The following STARD3 variants were observed in gnomAD, a reference collection of about 807,000 sequenced individuals.
STARD3 encodes StAR related lipid transfer domain containing 3.
In STARD3, 39 loss-of-function variants were observed where a neutral mutation model predicts 62.0. The observed-to-expected ratio is 0.63, with a 90% confidence interval of 0.49 to 0.82. The LOEUF (loss-of-function observed/expected upper bound fraction) is 0.82. Among genes scored for constraint, STARD3 ranks in the 40% least tolerant of loss-of-function variants. The pLI is 0.00. For missense variants in STARD3, 543 were observed against 584.5 expected, an observed-to-expected ratio of 0.93 and a Z score of 0.73; for synonymous variants, 229 against 242.4, an observed-to-expected ratio of 0.94 and a Z score of 0.51.
At position 39,660,765 on chromosome 17, in the gene STARD3, T is replaced by G. The variant is rs974487045; in HGVS notation, c.955-45T>G. ...CTGGGGTGTTCCCATCCCTGGGGTTTTCCTGGGGCGACCTGTTCCAAAAGT... is the reference window on the plus strand; with the variant it reads ...CTGGGGTGTTCCCATCCCTGGGGTTGTCCTGGGGCGACCTGTTCCAAAAGT... On this transcript the variant is annotated intron_variant, in intron 11 of 14. Coordinates refer to ENST00000336308, the MANE Select transcript of STARD3 (RefSeq NM_006804.4). The surrounding 1 kb of genome is among the most constrained non-coding windows in gnomAD (Gnocchi z 4.8). 1.3e-6 allele frequency: 2 copies of G among 1,541,232 alleles called. No homozygotes were observed. The highest frequency in any genetic ancestry group is 1.7e-6 in the Non-Finnish European group (2 of 1,144,528).
chr17:39,655,600 G>C (rs2057119403), intron 2 of STARD3, among the ~76,000 whole-genome samples: 2 of 152,202 alleles, frequency 1.3e-5, no homozygotes, highest in South Asian at 2.1e-4. Flanking sequence ...ATTGTTTTCA[G>C]ATGTCATGAA....
At position 39,657,397 on chromosome 17, in the gene STARD3, C is replaced by T. The variant is rs752602898; in HGVS notation, c.297+312C>T. On this transcript the variant is annotated intron_variant, in intron 3 of 14. Transcript: ENST00000336308. Reference sequence around the variant, plus strand: ...AAAAAATTAGCTGAGCATGGTGGTTCGCACCCATAATCCCAGCTACTTGGG... The same window carrying T: ...AAAAAATTAGCTGAGCATGGTGGTTTGCACCCATAATCCCAGCTACTTGGG... 5.9e-5 allele frequency among the ~76,000 whole-genome samples: 9 copies of T among 152,074 alleles called. No individual in the cohort carries two copies. In the South Asian group the frequency reaches 6.2e-4, roughly 11 times the overall value.
In STARD3 at chr17:39,653,496, C is replaced by A; in HGVS notation, c.-36C>A. The A allele has an allele frequency of 6.3e-7, 1 of 1,593,270 alleles. No homozygotes were observed. Among genetic ancestry groups the A allele is most frequent in the Non-Finnish European group, 8.5e-7 (1 of 1,175,664 alleles). On this transcript the variant is annotated 5_prime_UTR_variant, in exon 2 of 15. Coordinates refer to ENST00000336308, the MANE Select transcript of STARD3 (RefSeq NM_006804.4). Reference sequence around the variant, plus strand: ...TCGCCCCCAGCCCTGCTGCTGAGGCCGCGCCCTCCCCGCCCTGAGGTGGGG... The same window carrying A: ...TCGCCCCCAGCCCTGCTGCTGAGGCAGCGCCCTCCCCGCCCTGAGGTGGGG...
Position 39,660,058 on chromosome 17 carries a change from A to C in STARD3, c.796-153A>C, listed in dbSNP as rs2057178061. 1.4e-6 allele frequency: 1 copy of C among 697,318 alleles called. No homozygotes were observed. The highest frequency in any genetic ancestry group is 1.8e-5 in the African/African-American group (1 of 56,108). The allele number at this position is 697,318 out of a possible 1,614,324, so 43.2% of individuals were successfully genotyped here. Reference sequence around the variant, plus strand: ...CCAGTGCCATAGGTTTGTTAGAGCTACTGTTTTGTAACAGCTGCTCAGGTG... The same window carrying C: ...CCAGTGCCATAGGTTTGTTAGAGCTCCTGTTTTGTAACAGCTGCTCAGGTG... On this transcript the variant is annotated intron_variant, in intron 9 of 14. Coordinates refer to ENST00000336308, the MANE Select transcript of STARD3 (RefSeq NM_006804.4). This position sits in a 1 kb window ranked among gnomAD's most constrained non-coding sequence, Gnocchi z 4.8.
intron 1 of STARD3, among the ~76,000 whole-genome samples, chr17:39,646,298 G>T (rs907873250): frequency 1.3e-5 from 2 of 152,092 alleles, no homozygotes; most frequent in African/African-American, 4.8e-5. Flanking sequence ...TGTCACCCAG[G>T]CTTGAGTGCA....
At chr17:39,651,415 G>A (rs2057076667) in intron 1 of STARD3, among the ~76,000 whole-genome samples, 1 of 152,192 alleles carries the variant, frequency 6.6e-6, no homozygotes. Context: ...CAAGATCAGG[G>A]ACAAACATCT....
rs2057227538 is a variant in STARD3, at chr17:39,663,649, C to G, written c.*741C>G. 6.7e-6 allele frequency among the ~76,000 whole-genome samples: 1 copy of G among 149,552 alleles called. No homozygotes were observed. Among genetic ancestry groups the G allele is most frequent in the Admixed American group, 6.6e-5 (1 of 15,056 alleles). The stretch of plus-strand genomic sequence containing the variant: ...CCCCCCATTCCCCCCCCGCCCACCC[C>G]CCACTCCCCGCTTTCCTGACCAGTT... On this transcript the variant is annotated 3_prime_UTR_variant, in exon 15 of 15. Transcript: ENST00000336308.
chr17:39,645,872 G>C (rs1227337092), intron 1 of STARD3, among the ~76,000 whole-genome samples: 2 of 143,210 alleles, frequency 1.4e-5, no homozygotes, highest in African/African-American at 2.7e-5. Flanking sequence ...GTGACATAGG[G>C]ATTCTTGCCT....
At chr17:39,654,531 G>A (rs1277610839) in intron 2 of STARD3, among the ~76,000 whole-genome samples, 1 of 78,482 alleles carries the variant, frequency 1.3e-5, no homozygotes, top group South Asian at 4.4e-4. Context: ...CCCACCCCAC[G>A]CAGTGCTTGG....
intron 2 of STARD3, among the ~76,000 whole-genome samples, chr17:39,656,553 C>T (rs1379533656): frequency 6.6e-6 from 1 of 152,198 alleles, no homozygotes; most frequent in African/African-American, 2.4e-5. Flanking sequence ...TGATTTGCCA[C>T]CTGAGGCTCC....
At chr17:39,641,775 A>G (rs1049710702) in intron 1 of STARD3, among the ~76,000 whole-genome samples, 3 of 152,116 alleles carry the variant, frequency 2.0e-5, no homozygotes, top group Admixed American at 6.5e-5. Flanking sequence ...CTAATAAGGA[A>G]TGGCCTTAGG....
rs534183321 is a variant in STARD3, at chr17:39,663,651, C to T, written c.*743C>T. On this transcript the variant is annotated 3_prime_UTR_variant, in exon 15 of 15. Coordinates refer to ENST00000336308, the MANE Select transcript of STARD3 (RefSeq NM_006804.4). ...CCCCATTCCCCCCCCGCCCACCCCCCACTCCCCGCTTTCCTGACCAGTTCA... is the reference window on the plus strand; with the variant it reads ...CCCCATTCCCCCCCCGCCCACCCCCTACTCCCCGCTTTCCTGACCAGTTCA... Among the ~76,000 whole-genome samples, 3 of 149,470 alleles carry T rather than the reference C, an allele frequency of 2.0e-5. No individual in the cohort carries two copies. The highest frequency in any genetic ancestry group is 6.6e-5 in the Admixed American group (1 of 15,052).
At chr17:39,662,736 G>A (rs985975031) in intron 14 of STARD3, 68 bp from the exon 15 acceptor site, 8 of 1,450,048 alleles carry the variant, frequency 5.5e-6, no homozygotes, top group Non-Finnish European at 7.5e-6. Flanking sequence ...CCCTGCTGGT[G>A]CCAGCTGCAA....
chr17:39,657,941 C>A, intron 4 of STARD3, 32 bp from the exon 5 acceptor site: 1 of 1,605,842 alleles, frequency 6.2e-7, no homozygotes, highest in Non-Finnish European at 8.5e-7. Context: ...CCAGCCTCTG[C>A]CTTCCCCTTC....
intron 1 of STARD3, among the ~76,000 whole-genome samples, chr17:39,640,334 G>T (rs1169719019): frequency 6.6e-6 from 1 of 152,206 alleles, no homozygotes; most frequent in African/African-American, 2.4e-5. Context: ...CTCCAGGTCT[G>T]CATGTCTCCC....
chr17:39,645,881 C>CTTTTTTTTTTTTTTTTTTTT (rs71147368), intron 1 of STARD3, among the ~76,000 whole-genome samples: 1 of 55,616 alleles, frequency 1.8e-5, no homozygotes, highest in African/African-American at 8.9e-5. Flanking sequence ...GGATTCTTGC[C>CTTTTTTTTTTTTTTTTTTTT]TTTTTTTTTT....
In STARD3 at chr17:39,659,619, C is replaced by T. The variant is rs894712515; in HGVS notation, c.795+66C>T. Reference sequence around the variant, plus strand: ...GGAGTTTCTGTTCTCTTTTCTGAGGCCTGAGGAAGAAACCCAAAGATTACA... The same window carrying T: ...GGAGTTTCTGTTCTCTTTTCTGAGGTCTGAGGAAGAAACCCAAAGATTACA... On this transcript the variant is annotated intron_variant, in intron 9 of 14. Transcript: ENST00000336308. 27 of 1,540,052 alleles carry T rather than the reference C, an allele frequency of 1.8e-5. No homozygotes were observed. In the Admixed American group the frequency reaches 4.7e-4, roughly 27 times the overall value.
At chr17:39,641,455 TA>T (rs901146234) in intron 1 of STARD3, among the ~76,000 whole-genome samples, 2,765 of 143,480 alleles carry the variant, frequency 0.019, 77 homozygotes, top group African/African-American at 0.061. Context: ...ACCTGTCTCT[TA>T]AAAAAAAAAA....
intron 1 of STARD3, among the ~76,000 whole-genome samples, chr17:39,644,705 G>T (rs1170705605): frequency 2.0e-5 from 3 of 149,604 alleles, no homozygotes; most frequent in Middle Eastern, 3.5e-3. Context: ...GAAAAGAAAA[G>T]AAAAATTAGC....
Sources: gnomAD v4.1 joint callset for allele counts (sites outside exome capture counted in the v4.1 genomes callset) on GRCh38, gnomAD v4.1.1 for gene constraint, Gnocchi (gnomAD v3.1) non-coding constraint, MANE v1.5 for transcripts, NCBI Gene and HGNC (gene_info 2026-07-23, HGNC 2026-07-21) for gene names.